Variants in DLC1 observed in about 807,000 individuals in gnomAD.
DLC1 encodes DLC1 Rho GTPase activating protein.
Under a neutral mutation model 140.3 loss-of-function variants are expected in DLC1, and 54 were observed. The ratio of observed to expected loss-of-function variants is 0.38; its 90% CI spans 0.31 to 0.48. DLC1 has a LOEUF of 0.48. Ranked by LOEUF, DLC1 falls within the 20% of genes least tolerant of loss-of-function variation. DLC1 has a pLI of 0.96. For missense variants in DLC1, 2,536 were observed against 1,907.0 expected (o/e 1.33, Z -6.14); for synonymous variants, 986 against 728.1 (o/e 1.35, Z -5.70).
At chr8:13,156,495 C>T (rs915448342) in intron 5 of DLC1, among the ~76,000 whole-genome samples, 1 of 152,130 alleles carries the variant, frequency 6.6e-6, no homozygotes, top group Non-Finnish European at 1.5e-5. Context: ...TTTTCCTTCC[C>T]ACCAAAGCCT....
At chr8:13,461,202 C>A (rs1169308699) in intron 2 of DLC1, among the ~76,000 whole-genome samples, 2 of 152,184 alleles carry the variant, frequency 1.3e-5, no homozygotes, top group African/African-American at 4.8e-5. Flanking sequence ...AGAGCAAGAG[C>A]CTGTCTCAAC....
intron 2 of DLC1, among the ~76,000 whole-genome samples, chr8:13,433,532 T>G (rs1392776638): frequency 6.6e-6 from 1 of 152,226 alleles, no homozygotes; most frequent in African/African-American, 2.4e-5. Flanking sequence ...TAAAAAGTGA[T>G]AAATCCAACT....
At chr8:13,191,273 G>A (rs1826736448) in intron 5 of DLC1, among the ~76,000 whole-genome samples, 1 of 152,174 alleles carries the variant, frequency 6.6e-6, no homozygotes, top group Admixed American at 6.5e-5. Context: ...TTGGGAGGTG[G>A]AGGCGGGTGG....
intron 1 of DLC1, among the ~76,000 whole-genome samples, chr8:13,578,413 C>T (rs1465289780): frequency 2.0e-5 from 3 of 152,146 alleles, no homozygotes; most frequent in Admixed American, 2.0e-4. Context: ...CTACACCAAG[C>T]AATTCTGCAG....
At chr8:13,120,680 C>A (rs1335550292) in intron 5 of DLC1, among the ~76,000 whole-genome samples, 1 of 151,990 alleles carries the variant, frequency 6.6e-6, no homozygotes, top group East Asian at 1.9e-4. Flanking sequence ...TCTAAGCAAA[C>A]AACAGACAAA....
At chr8:13,089,538 T>C (rs1392624203) in intron 15 of DLC1, among the ~76,000 whole-genome samples, 2 of 150,806 alleles carry the variant, frequency 1.3e-5, no homozygotes, top group African/African-American at 4.9e-5. Context: ...GGCAAGAGAA[T>C]AGCTTGAAAC....
At chr8:13,269,478 G>T (rs1475010104) in intron 5 of DLC1, among the ~76,000 whole-genome samples, 1 of 151,904 alleles carries the variant, frequency 6.6e-6, no homozygotes, top group Admixed American at 6.6e-5. Flanking sequence ...TGTGCCTGTA[G>T]TCCCAGCTGG....
At chr8:13,456,221 G>T (rs1799383884) in intron 2 of DLC1, among the ~76,000 whole-genome samples, 2 of 152,144 alleles carry the variant, frequency 1.3e-5, no homozygotes, top group Admixed American at 1.3e-4. Flanking sequence ...GATGGTTACT[G>T]AATGTTGCAT....
chr8:13,600,771 TG>T (rs1308068023), intron 1 of DLC1, among the ~76,000 whole-genome samples: 1 of 151,878 alleles, frequency 6.6e-6, no homozygotes, highest in East Asian at 1.9e-4. Flanking sequence ...TTATCTACAG[TG>T]AAATTCCTTC....
At chr8:13,474,217 C>G (rs28860299) in intron 2 of DLC1, among the ~76,000 whole-genome samples, 2,895 of 152,190 alleles carry the variant, frequency 0.019, 111 homozygotes, top group African/African-American at 0.066. Context: ...ATAAGAGGAG[C>G]CAAGGTACAG....
chr8:13,145,018 T>G (rs1034137845), intron 5 of DLC1, among the ~76,000 whole-genome samples: 6 of 152,224 alleles, frequency 3.9e-5, no homozygotes, highest in Admixed American at 3.3e-4. Flanking sequence ...TGCAATAAAT[T>G]AAAAATCAAA....
At chr8:13,237,341 T>C (rs76997571) in intron 5 of DLC1, among the ~76,000 whole-genome samples, 5,911 of 147,938 alleles carry the variant, frequency 0.04, 170 homozygotes, top group South Asian at 0.069. Flanking sequence ...TATATATATA[T>C]ACACACACAC....
chr8:13,392,823 A>T (rs1836823232), intron 4 of DLC1, among the ~76,000 whole-genome samples: 1 of 50,034 alleles, frequency 2.0e-5, no homozygotes, highest in African/African-American at 7.1e-5. Context: ...GTATTATTCC[A>T]TGTGGAATAA....
intron 1 of DLC1, among the ~76,000 whole-genome samples, chr8:13,537,804 C>T (rs960925589): frequency 1.3e-5 from 2 of 151,920 alleles, no homozygotes; most frequent in East Asian, 1.9e-4. Context: ...CAGGCGCCCG[C>T]CACCATGCCC....
chr8:13,226,088 A>G (rs1316424146), intron 5 of DLC1, among the ~76,000 whole-genome samples: 3 of 151,764 alleles, frequency 2.0e-5, no homozygotes, highest in African/African-American at 7.3e-5. Flanking sequence ...ACTTTTTTTG[A>G]TTTTTAGTGG....
chr8:13,451,989 A>C (rs1483662108), intron 2 of DLC1, among the ~76,000 whole-genome samples: 1 of 152,172 alleles, frequency 6.6e-6, no homozygotes, highest in Non-Finnish European at 1.5e-5. Context: ...GAACACCAAC[A>C]GAGTACGAGG....
At chr8:13,107,306 G>A (rs1037293319) in intron 7 of DLC1, among the ~76,000 whole-genome samples, 2 of 152,170 alleles carry the variant, frequency 1.3e-5, no homozygotes, top group Admixed American at 6.5e-5. Context: ...TTGACCAAAG[G>A]AGCTGTAAGA....
intron 1 of DLC1, among the ~76,000 whole-genome samples, chr8:13,602,568 T>G (rs1171228252): frequency 6.6e-6 from 1 of 151,836 alleles, no homozygotes; most frequent in Non-Finnish European, 1.5e-5. Context: ...CAAGTTGAAG[T>G]GGCTGTATAT....
intron 4 of DLC1, among the ~76,000 whole-genome samples, chr8:13,314,240 T>A (rs911885096): frequency 7.0e-6 from 1 of 141,860 alleles, no homozygotes; most frequent in Non-Finnish European, 1.5e-5. Context: ...CATATATTTA[T>A]AATATACATG....
Sources: gnomAD v4.1 joint callset for allele counts (sites outside exome capture counted in the v4.1 genomes callset) on GRCh38, gnomAD v4.1.1 for gene constraint, MANE v1.5 for transcripts, NCBI Gene and HGNC (gene_info 2026-07-23, HGNC 2026-07-21) for gene names.